CAPN3: variants seen among roughly 807,000 people sequenced by gnomAD.
CAPN3 encodes the protein calpain-3.
A neutral mutation model predicts 114.0 loss-of-function variants in CAPN3; 88 were observed. That is an observed-to-expected ratio of 0.77 (90% CI 0.65 to 0.92). The LOEUF is 0.92. Among genes scored for constraint, CAPN3 ranks in the 40% least tolerant of loss-of-function variants. The pLI, the probability that CAPN3 is intolerant of heterozygous loss-of-function variation, is 0.00. For missense variants in CAPN3, 1,028 were observed against 1,069.0 expected (o/e 0.96, Z 0.53); for synonymous variants, 386 against 382.9 (o/e 1.01, Z -0.09).
chr15:42,407,075 C>T (rs1047056172), intron 15 of CAPN3, among the ~76,000 whole-genome samples: 2 of 151,970 alleles, frequency 1.3e-5, no homozygotes, highest in African/African-American at 2.4e-5. Context: ...TCCCCACAGC[C>T]TTGCCTTCCC....
At position 42,401,482 on chromosome 15, in the gene CAPN3, C is replaced by CG. The variant is rs911496496; in HGVS notation, c.1355-159_1355-158insG. On this transcript the variant is annotated intron_variant, in intron 10 of 23. Transcript: ENST00000397163. ...TCTGAATAAAGGTAGCGCCCCCCCC[C>CG]CCCCCAAATCATTAGAGAAATGCCT... 4.5e-5 allele frequency among the ~76,000 whole-genome samples: 6 copies of CG among 132,036 alleles called. 1 individual carries two copies. The highest frequency in any genetic ancestry group is 1.4e-4 in the African/African-American group (5 of 36,332). The allele number at this position is 132,036 out of a possible 152,430, so 86.6% of individuals were successfully genotyped here.
intron 7 of CAPN3, among the ~76,000 whole-genome samples, chr15:42,393,217 C>T (rs1463566930): frequency 3.9e-5 from 6 of 152,196 alleles, no homozygotes; most frequent in East Asian, 1.9e-4. Flanking sequence ...GGATTACTTA[C>T]GATACCTAAC....
chr15:42,400,452 T>G (rs754827122), intron 10 of CAPN3, among the ~76,000 whole-genome samples: 5 of 151,818 alleles, frequency 3.3e-5, no homozygotes, highest in Non-Finnish European at 5.9e-5. Flanking sequence ...CACAAGAAGA[T>G]CGGGTGGGTG....
chr15:42,405,860 C>T, intron 14 of CAPN3, 66 bp from the exon 15 acceptor site: 2 of 1,334,320 alleles, frequency 1.5e-6, no homozygotes, highest in East Asian at 2.3e-5. Flanking sequence ...AAGCCAAAAG[C>T]CACTGGCGGT....
chr15:42,389,243 G>A lies in CAPN3; in HGVS notation c.801+147G>A, dbSNP rs1011129101. The A allele has an allele frequency of 5.4e-6, 4 of 740,888 alleles. No homozygotes were observed. The African/African-American group carries it at 7.1e-5, about 13-fold the overall frequency. The allele number at this position is 740,888 out of a possible 1,614,324, so 45.9% of individuals were successfully genotyped here. ...GAACTGGCTCTCAACTTTGAGGACT[G>A]GGAATTTCTCAAGGGAGAACAGTTC... On this transcript the variant is annotated intron_variant, in intron 5 of 23. Coordinates refer to ENST00000397163, the MANE Select transcript of CAPN3 (RefSeq NM_000070.3).
At chr15:42,360,815 C>T (rs777304356) in intron 1 of CAPN3, among the ~76,000 whole-genome samples, 3 of 152,210 alleles carry the variant, frequency 2.0e-5, no homozygotes, top group African/African-American at 4.8e-5. Flanking sequence ...GTTTCATTTA[C>T]AGTGATCGCC....
Position 42,411,004 on chromosome 15 carries a change from A to T in CAPN3, c.2380+4A>T. ...GTTAGGCTGGAGGGCATGTTCAGTA[A>T]GTGGGAGAGGGGGGCTGCCCTCTGC... On this transcript the variant is annotated splice_donor_region_variant and intron_variant, in intron 22 of 23. Transcript: ENST00000397163. The T allele has an allele frequency of 1.2e-6, 2 of 1,605,494 alleles. No individual in the cohort carries two copies. Among genetic ancestry groups the T allele is most frequent in the Non-Finnish European group, 1.7e-6 (2 of 1,172,256 alleles).
At chr15:42,371,463 T>G (rs2052945533) in intron 1 of CAPN3, among the ~76,000 whole-genome samples, 1 of 152,216 alleles carries the variant, frequency 6.6e-6, no homozygotes, top group Non-Finnish European at 1.5e-5. Flanking sequence ...AAGCATCTTT[T>G]TTGTACACTT....
intron 15 of CAPN3, among the ~76,000 whole-genome samples, chr15:42,406,525 A>G (rs543497645): frequency 6.6e-6 from 1 of 151,914 alleles, no homozygotes; most frequent in Non-Finnish European, 1.5e-5. Context: ...CCCCCCAATT[A>G]TAACAGTATC....
Position 42,399,534 on chromosome 15 carries a change from G to C in CAPN3, c.1236G>C (p.Glu412Asp). Residue 412 changes from glutamate (E) to aspartate (D), a missense_variant, in exon 10 of 24, where the codon GAG becomes GAC. Glu to Asp is a conservative substitution (Grantham distance 45). Coordinates refer to ENST00000397163, the MANE Select transcript of CAPN3 (RefSeq NM_000070.3). ...TCATCTACCATTTCACAAAGTTGGAGATCTGCAACCTCACGGCCGATGCTC... is the reference window on the plus strand; with the variant it reads ...TCATCTACCATTTCACAAAGTTGGACATCTGCAACCTCACGGCCGATGCTC... The part of the protein sequence containing the change: ...EDFIYHFTKL[E>D]ICNLTADALQ... The C allele has an allele frequency of 3.1e-6, 5 of 1,613,928 alleles. No homozygotes were observed. The highest frequency in any genetic ancestry group is 4.2e-6 in the Non-Finnish European group (5 of 1,179,856).
chr15:42,378,656 A>G (rs1281969144), intron 1 of CAPN3, among the ~76,000 whole-genome samples: 5 of 151,386 alleles, frequency 3.3e-5, no homozygotes, highest in African/African-American at 1.2e-4. Context: ...TTCTGCTCTG[A>G]TTTTTTATTG....
rs144281919 is a variant in CAPN3 at position 42,392,664 on chromosome 15, C to T, written c.971C>T (p.Thr324Ile). 1 of 1,613,874 alleles carries T rather than the reference C, an allele frequency of 6.2e-7. No homozygotes were observed. Among genetic ancestry groups the T allele is most frequent in the Non-Finnish European group, 8.5e-7 (1 of 1,179,910 alleles). Residue 324 changes from threonine (T) to isoleucine (I), a missense_variant, in exon 7 of 24, where the codon ACA becomes ATA. Physicochemically the swap from Thr to Ile is moderately conservative, Grantham distance 89. Coordinates refer to ENST00000397163, the MANE Select transcript of CAPN3 (RefSeq NM_000070.3). ...TRTIIPVQYE[T>I]RMACGLVRGH... ...ACAATCATTCCGGTTCAGTATGAGA[C>T]AAGAATGGCCTGCGGGCTGGTCAGA...
At chr15:42,372,307 G>C (rs911185901) in intron 1 of CAPN3, among the ~76,000 whole-genome samples, 2 of 152,070 alleles carry the variant, frequency 1.3e-5, no homozygotes, top group African/African-American at 4.8e-5. Flanking sequence ...TTATAGGCAT[G>C]CACCATAATG....
At chr15:42,385,544 A>G (rs979410568) in intron 2 of CAPN3, 1 of 407,924 alleles carries the variant, frequency 2.5e-6, no homozygotes, top group Non-Finnish European at 4.9e-6. Context: ...AGAGAGAGAG[A>G]GAGAGAGAGA....
intron 1 of CAPN3, among the ~76,000 whole-genome samples, chr15:42,365,836 T>G (rs2052764187): frequency 6.6e-6 from 1 of 152,182 alleles, no homozygotes; most frequent in African/African-American, 2.4e-5. Flanking sequence ...CCTGGACCTG[T>G]GGACACCTCT....
At chr15:42,361,025 A>G (rs2052629377) in intron 1 of CAPN3, among the ~76,000 whole-genome samples, 1 of 152,230 alleles carries the variant, frequency 6.6e-6, no homozygotes, top group Admixed American at 6.5e-5. Flanking sequence ...TGGGCATTGA[A>G]CAAGAGTGAC....
intron 1 of CAPN3, among the ~76,000 whole-genome samples, chr15:42,376,833 A>G (rs1053073699): frequency 1.3e-5 from 2 of 152,232 alleles, no homozygotes; most frequent in South Asian, 2.1e-4. Context: ...CATCTCACAT[A>G]TCTGTAAATA....
chr15:42,408,189 G>GCCTCCTC, intron 15 of CAPN3, 22 bp from the exon 16 acceptor site: 1 of 1,537,718 alleles, frequency 6.5e-7, no homozygotes, highest in Non-Finnish European at 9.0e-7. Context: ...CTTCCTTCCT[G>GCCTCCTC]CCTCCTCCCT....
intron 7 of CAPN3, 36 bp downstream of exon 7, chr15:42,392,758 C>G: frequency 6.4e-7 from 1 of 1,561,234 alleles, no homozygotes; most frequent in Non-Finnish European, 8.8e-7. Context: ...CAAGGGCACC[C>G]TCCTGGGTTA....
Sources: allele counts gnomAD v4.1 joint callset (sites outside exome capture counted in the v4.1 genomes callset), GRCh38; gene constraint gnomAD v4.1.1; transcripts MANE v1.5; gene names NCBI Gene and HGNC (gene_info 2026-07-23, HGNC 2026-07-21).